PARD3B: variants seen among roughly 807,000 people sequenced by gnomAD.
The protein encoded by PARD3B is par-3 family cell polarity regulator beta, also known as partitioning defective 3 homolog B.
PARD3B carries 103 observed loss-of-function variants against 130.2 expected under a neutral mutation model. That is an observed-to-expected ratio of 0.79 (90% confidence interval 0.67 to 0.93). The LOEUF is 0.93. Ranked by LOEUF, PARD3B falls within the 40% of genes least tolerant of loss-of-function variation. The pLI is 0.00. For missense variants in PARD3B, 1,609 were observed against 1,499.2 expected (o/e 1.07, Z -1.21); for synonymous variants, 583 against 553.2 (o/e 1.05, Z -0.76).
At chr2:204,857,092 A>T (rs1276171079) in intron 2 of PARD3B, among the ~76,000 whole-genome samples, 1 of 152,084 alleles carries the variant, frequency 6.6e-6, no homozygotes, top group Non-Finnish European at 1.5e-5. Context: ...CTCACTTATT[A>T]TCAGTTATTG....
chr2:204,827,051 T>C (rs2043608555), intron 2 of PARD3B, among the ~76,000 whole-genome samples: 1 of 152,192 alleles, frequency 6.6e-6, no homozygotes, highest in Admixed American at 6.5e-5. Context: ...TCATAGGTTT[T>C]CGTTCTTGTT....
intron 7 of PARD3B, among the ~76,000 whole-genome samples, chr2:205,119,913 T>G (rs1364188521): frequency 6.6e-6 from 1 of 152,152 alleles, no homozygotes. Context: ...TTTTAATGTG[T>G]GTTGGCATTG....
intron 2 of PARD3B, among the ~76,000 whole-genome samples, chr2:204,699,230 C>A (rs972773877): frequency 6.6e-6 from 1 of 152,184 alleles, no homozygotes; most frequent in South Asian, 2.1e-4. Flanking sequence ...GAGCCCTGGG[C>A]CCCTAAATGG....
At position 205,550,402 on chromosome 2, in the gene PARD3B, A is replaced by G. The variant is rs1178837453; in HGVS notation, c.3181-2922A>G. Among the ~76,000 whole-genome samples the G allele has an allele frequency of 6.6e-6, 1 of 152,182 alleles. No homozygotes were observed. Among genetic ancestry groups the G allele is most frequent in the African/African-American group, 2.4e-5 (1 of 41,456 alleles). On this transcript the variant is annotated intron_variant, in intron 21 of 22. Coordinates refer to ENST00000406610, the MANE Select transcript of PARD3B (RefSeq NM_001302769.2). The surrounding 1 kb of genome is among the most constrained non-coding windows in gnomAD (Gnocchi z 4.5). ...TTCATTGCTTTGAATACAGTGAATG[A>G]CTGCATTAATGATGTTGCAGTATCA... is the stretch of plus-strand genomic sequence containing the variant.
intron 10 of PARD3B, among the ~76,000 whole-genome samples, chr2:205,136,344 A>C (rs1479698694): frequency 7.9e-5 from 12 of 152,188 alleles, no homozygotes; most frequent in Admixed American, 7.9e-4. Context: ...TCTACTTCAC[A>C]TGAAAATGCC....
chr2:205,480,373 A>G (rs2049186941), intron 20 of PARD3B, among the ~76,000 whole-genome samples: 1 of 152,210 alleles, frequency 6.6e-6, no homozygotes, highest in South Asian at 2.1e-4. Flanking sequence ...TATTCAATCT[A>G]AAGTAGCCAC....
chr2:204,568,316 A>G (rs974613616), intron 1 of PARD3B, among the ~76,000 whole-genome samples: 1 of 152,230 alleles, frequency 6.6e-6, no homozygotes, highest in Non-Finnish European at 1.5e-5. Flanking sequence ...TTCACATTCT[A>G]CAACAAAGAT....
chr2:205,192,046 G>A (rs948455372), intron 14 of PARD3B, among the ~76,000 whole-genome samples: 1 of 152,034 alleles, frequency 6.6e-6, no homozygotes, highest in Admixed American at 6.5e-5. Flanking sequence ...ATTTACCCAC[G>A]GCATTATAAA....
chr2:205,104,531 G>C lies in PARD3B; in HGVS notation c.593+17G>C. 1 of 1,396,056 alleles carries C rather than the reference G, an allele frequency of 7.2e-7. No homozygotes were observed. Among genetic ancestry groups the C allele is most frequent in the Non-Finnish European group, 1.0e-6 (1 of 986,490 alleles). 86.5% of individuals were successfully genotyped at this position (1,396,056 alleles called of 1,614,324 possible). On this transcript the variant is annotated intron_variant, in intron 5 of 22. Coordinates refer to ENST00000406610, the MANE Select transcript of PARD3B (RefSeq NM_001302769.2). ...CACATTGAGGTATTCTCTTTATACA[G>C]ATAAGAATATCTGATTTATTTCAAT... is the stretch of plus-strand genomic sequence containing the variant.
At chr2:204,861,924 CAAAAAAAAAA>C (rs60473341) in intron 2 of PARD3B, among the ~76,000 whole-genome samples, 1 of 34,078 alleles carries the variant, frequency 2.9e-5, no homozygotes, top group South Asian at 1.6e-3. Context: ...AGACATTTCT[CAAAAAAAAAA>C]AAAAAAAAAA....
At chr2:205,213,544 C>T (rs886774124) in intron 15 of PARD3B, among the ~76,000 whole-genome samples, 3 of 152,252 alleles carry the variant, frequency 2.0e-5, no homozygotes, top group South Asian at 4.1e-4. Context: ...TGATTTGGCT[C>T]ATCTTACTAT....
intron 22 of PARD3B, among the ~76,000 whole-genome samples, chr2:205,567,891 G>T (rs1423020612): frequency 6.6e-6 from 1 of 152,096 alleles, no homozygotes. Flanking sequence ...ACCACTGCAG[G>T]CAAGAGGGAA....
chr2:204,611,064 TG>T (rs2033904800), intron 1 of PARD3B, among the ~76,000 whole-genome samples: 1 of 152,136 alleles, frequency 6.6e-6, no homozygotes, highest in Non-Finnish European at 1.5e-5. Context: ...TCCAGGTCAG[TG>T]AGAGTTTTCT....
At chr2:204,634,846 A>T (rs1446516241) in intron 1 of PARD3B, among the ~76,000 whole-genome samples, 4 of 152,184 alleles carry the variant, frequency 2.6e-5, no homozygotes, top group African/African-American at 9.6e-5. Context: ...CTCACAAGAT[A>T]GTCATATTCT....
intron 18 of PARD3B, among the ~76,000 whole-genome samples, chr2:205,327,585 G>A (rs1043116145): frequency 8.5e-5 from 13 of 152,212 alleles, no homozygotes; most frequent in African/African-American, 2.9e-4. Flanking sequence ...GGACAGAACT[G>A]GTAGGATTTC....
intron 21 of PARD3B, among the ~76,000 whole-genome samples, chr2:205,548,583 G>C (rs533705748): frequency 6.6e-6 from 1 of 151,950 alleles, no homozygotes; most frequent in Non-Finnish European, 1.5e-5. Context: ...AAAACCCTCA[G>C]GTTTATGCTC....
intron 11 of PARD3B, among the ~76,000 whole-genome samples, chr2:205,161,223 T>C (rs1329289882): frequency 6.6e-6 from 1 of 152,200 alleles, no homozygotes; most frequent in Non-Finnish European, 1.5e-5. Context: ...ATATCCATGT[T>C]TGTGTAAGTG....
chr2:205,136,710 C>G (rs1214675818), intron 10 of PARD3B, among the ~76,000 whole-genome samples: 1 of 152,148 alleles, frequency 6.6e-6, no homozygotes, highest in African/African-American at 2.4e-5. Flanking sequence ...AACAGCACAA[C>G]AGAAAAACGG....
intron 1 of PARD3B, among the ~76,000 whole-genome samples, chr2:204,604,712 T>C (rs2033645551): frequency 6.6e-6 from 1 of 152,180 alleles, no homozygotes; most frequent in Non-Finnish European, 1.5e-5. Flanking sequence ...GATTTTGATA[T>C]AGTAGATTGA....
Sources: allele counts gnomAD v4.1 joint callset (sites outside exome capture counted in the v4.1 genomes callset), GRCh38; gene constraint gnomAD v4.1.1; non-coding constraint Gnocchi (gnomAD v3.1); transcripts MANE v1.5; gene names NCBI Gene and HGNC (gene_info 2026-07-23, HGNC 2026-07-21).